Variants in SMOX observed in about 807,000 individuals in gnomAD.
SMOX encodes the protein flavin containing amine oxidase.
In SMOX, 22 loss-of-function variants were observed where a neutral mutation model predicts 51.0. The observed-to-expected ratio is 0.43, with a 90% CI of 0.31 to 0.62. The LOEUF is 0.62. Ranked by LOEUF, SMOX falls within the 20% of genes least tolerant of loss-of-function variation. The pLI, the probability that SMOX is intolerant of heterozygous loss-of-function variation, is 0.10. For missense variants in SMOX, 566 were observed against 777.7 expected (o/e 0.73, Z 3.24); for synonymous variants, 282 against 307.8 (o/e 0.92, Z 0.88).
At chr20:4,173,534 A>C (rs1461010704) in intron 1 of SMOX, among the ~76,000 whole-genome samples, 1 of 152,192 alleles carries the variant, frequency 6.6e-6, no homozygotes. Context: ...GGTGCTGTGC[A>C]CACTCTTTAA....
chr20:4,163,305 G>A (rs928899503), intron 1 of SMOX, among the ~76,000 whole-genome samples: 3 of 152,180 alleles, frequency 2.0e-5, no homozygotes, highest in South Asian at 4.1e-4. Context: ...TGAGTCTAAT[G>A]TACTGGTTGG....
At chr20:4,168,472 G>C (rs6139345) in intron 1 of SMOX, among the ~76,000 whole-genome samples, 25,900 of 152,052 alleles carry the variant, frequency 0.17, 2,513 homozygotes, top group East Asian at 0.27. Context: ...GGGTGACCTT[G>C]AGAAAAAGGC....
At chr20:4,155,402 G>A (rs1985968329) in intron 1 of SMOX, among the ~76,000 whole-genome samples, 1 of 143,714 alleles carries the variant, frequency 7.0e-6, no homozygotes, top group African/African-American at 2.5e-5. Flanking sequence ...CACCTCTGCG[G>A]CGTACGTGGG....
chr20:4,177,486 A>T lies in SMOX; in HGVS notation c.344A>T (p.Tyr115Phe), dbSNP rs1978960218. The change falls in exon 3 of 7, where the codon TAT (tyrosine) becomes TTT (phenylalanine). Residue 115 changes from tyrosine (Y) to phenylalanine (F), a missense_variant. Tyr to Phe is a conservative substitution (Grantham distance 22). This residue lies in a region of SMOX where 217 missense variants were observed against 278.4 expected (regional missense o/e 0.78). Coordinates refer to ENST00000305958, the MANE Select transcript of SMOX (RefSeq NM_175839.3). The surrounding 1 kb of genome is among the most constrained non-coding windows in gnomAD (Gnocchi z 4.3). ...GERSVGRISL[Y>F]SKNGVACYLT... ...CGCAGCGTGGGCCGCATCAGCCTCT[A>T]TTCCAAGAATGGCGTGGCCTGCTAC... 6.3e-7 allele frequency: 1 copy of T among 1,586,736 alleles called. No individual in the cohort carries two copies. Among genetic ancestry groups the T allele is most frequent in the Non-Finnish European group, 8.6e-7 (1 of 1,165,182 alleles).
chr20:4,159,214 C>T (rs1260406613), intron 1 of SMOX, among the ~76,000 whole-genome samples: 2 of 152,070 alleles, frequency 1.3e-5, no homozygotes, highest in Non-Finnish European at 2.9e-5. Flanking sequence ...TGGGTTCAAG[C>T]GATTCTCCTG....
chr20:4,177,324 C>T lies in SMOX; in HGVS notation c.209-27C>T. ...CCTCTCTGGAGAAGTCCCTAAGCCT[C>T]TAAGGGCCTGCTGTTGTCACCCTCA... On this transcript the variant is annotated intron_variant, in intron 2 of 6. Coordinates refer to ENST00000305958, the MANE Select transcript of SMOX (RefSeq NM_175839.3). This position sits in a 1 kb window ranked among gnomAD's most constrained non-coding sequence, Gnocchi z 4.3. 1 of 1,548,094 alleles carries T rather than the reference C, an allele frequency of 6.5e-7. No homozygotes were observed. Among genetic ancestry groups the T allele is most frequent in the Non-Finnish European group, 8.7e-7 (1 of 1,143,978 alleles).
chr20:4,180,832 G>A (rs1187879292), intron 3 of SMOX, among the ~76,000 whole-genome samples: 1 of 152,164 alleles, frequency 6.6e-6, no homozygotes, highest in Non-Finnish European at 1.5e-5. Flanking sequence ...TGACCTCACA[G>A]CCCCGGGTTC....
intron 3 of SMOX, among the ~76,000 whole-genome samples, chr20:4,178,154 G>C (rs985945099): frequency 6.6e-6 from 1 of 152,180 alleles, no homozygotes; most frequent in East Asian, 1.9e-4. Flanking sequence ...CGATTCTCCT[G>C]CCTCAGCCTC....
chr20:4,168,113 C>CCGGG (rs1568736834), intron 1 of SMOX, among the ~76,000 whole-genome samples: 1 of 9,628 alleles, frequency 1.0e-4, no homozygotes, highest in African/African-American at 6.8e-4. Flanking sequence ...TGAGAAAGAG[C>CCGGG]GGGGTAGGGG....
rs769193306 is a variant in SMOX at position 4,187,451 on chromosome 20, C to T, written c.*44C>T. On this transcript the variant is annotated 3_prime_UTR_variant, in exon 7 of 7. Coordinates refer to ENST00000305958, the MANE Select transcript of SMOX (RefSeq NM_175839.3). The surrounding 1 kb of genome is among the most constrained non-coding windows in gnomAD (Gnocchi z 4.8). ...AGAAGAGCCACTAACTCGTGACCTC[C>T]AGCCTGCCCCTTGCTGCCGTGTGCT... 1 of 1,596,908 alleles carries T rather than the reference C, an allele frequency of 6.3e-7. No homozygotes were observed. The highest frequency in any genetic ancestry group is 8.6e-7 in the Non-Finnish European group (1 of 1,169,106).
chr20:4,181,761 G>T lies in SMOX; in HGVS notation c.436-42G>T. On this transcript the variant is annotated intron_variant, in intron 3 of 6. Coordinates refer to ENST00000305958, the MANE Select transcript of SMOX (RefSeq NM_175839.3). The surrounding 1 kb of genome is among the most constrained non-coding windows in gnomAD (Gnocchi z 5.6). ...TGGGGGCCTTCTGTTTGAGATGGAG[G>T]TGTGATGAGGTGTTTTCAGTCTCAT... The T allele has an allele frequency of 1.9e-6, 3 of 1,594,936 alleles. No individual in the cohort carries two copies. Among genetic ancestry groups the T allele is most frequent in the Non-Finnish European group, 2.6e-6 (3 of 1,169,322 alleles).
At position 4,172,290 on chromosome 20, in the gene SMOX, C is replaced by T. The variant is rs1446640016; in HGVS notation, c.-26-2740C>T. 1.3e-5 allele frequency among the ~76,000 whole-genome samples: 2 copies of T among 152,230 alleles called. No homozygotes were observed. The highest frequency in any genetic ancestry group is 1.9e-4 in the East Asian group (1 of 5,170). On this transcript the variant is annotated intron_variant, in intron 1 of 6. Transcript: ENST00000305958. The surrounding 1 kb of genome is among the most constrained non-coding windows in gnomAD (Gnocchi z 7.7). ...GGCGGCGTCCCCGTCGCAGCTGGCG[C>T]GGCCCCTCCGGAGCACGCCGCGTGT...
At chr20:4,150,514 T>C (rs532756796) in intron 1 of SMOX, among the ~76,000 whole-genome samples, 1 of 152,360 alleles carries the variant, frequency 6.6e-6, no homozygotes, top group Admixed American at 6.5e-5. Context: ...CAGCTCCAAA[T>C]GTTGGAGGGC....
intron 6 of SMOX, among the ~76,000 whole-genome samples, chr20:4,184,023 A>C (rs1979552858): frequency 6.6e-6 from 1 of 151,672 alleles, no homozygotes; most frequent in Admixed American, 6.6e-5. Flanking sequence ...TCTACACTTC[A>C]GGCTGGGGTA....
Position 4,149,168 on chromosome 20 carries a change from G to T in SMOX, c.-27+191G>T, listed in dbSNP as rs1275098463. Among the ~76,000 whole-genome samples, 1 of 149,314 alleles carries T rather than the reference G, an allele frequency of 6.7e-6. No homozygotes were observed. Among genetic ancestry groups the T allele is most frequent in the African/African-American group, 2.4e-5 (1 of 41,062 alleles). ...GGGTGCGGGGCGTTCCGGGAGGCTC[G>T]CGGGGAGCAGGGGGCGCCGCGCCCC... is the stretch of plus-strand genomic sequence containing the variant. On this transcript the variant is annotated intron_variant, in intron 1 of 6. Coordinates refer to ENST00000305958, the MANE Select transcript of SMOX (RefSeq NM_175839.3). This position sits in a 1 kb window ranked among gnomAD's most constrained non-coding sequence, Gnocchi z 6.0.
chr20:4,169,303 T>A (rs6116241), intron 1 of SMOX, among the ~76,000 whole-genome samples: 2 of 152,044 alleles, frequency 1.3e-5, no homozygotes, highest in African/African-American at 4.8e-5. Context: ...GTAATAGCTC[T>A]GGCCACACCT....
At position 4,187,584 on chromosome 20, in the gene SMOX, C is replaced by A; in HGVS notation, c.*177C>A. The A allele has an allele frequency of 1.1e-6, 1 of 925,036 alleles. No homozygotes were observed. Among genetic ancestry groups the A allele is most frequent in the Non-Finnish European group, 1.6e-6 (1 of 641,478 alleles). The allele number at this position is 925,036 out of a possible 1,614,324, so 57.3% of individuals were successfully genotyped here. On this transcript the variant is annotated 3_prime_UTR_variant, in exon 7 of 7. Transcript: ENST00000305958. This position sits in a 1 kb window ranked among gnomAD's most constrained non-coding sequence, Gnocchi z 4.8. ...AGCTTTTCTTTTTCTCCAGGCTGGG[C>A]CGTGAGCAGGTGGGCCGTTGAGTTA...
intron 3 of SMOX, among the ~76,000 whole-genome samples, chr20:4,179,001 C>G (rs1235426123): frequency 6.6e-6 from 1 of 152,194 alleles, no homozygotes; most frequent in South Asian, 2.1e-4. Flanking sequence ...ATTTTCTAAT[C>G]TCTTGGGCAT....
At position 4,149,238 on chromosome 20, in the gene SMOX, G is replaced by T. The variant is rs1481048148; in HGVS notation, c.-27+261G>T. On this transcript the variant is annotated intron_variant, in intron 1 of 6. Transcript: ENST00000305958. This position sits in a 1 kb window ranked among gnomAD's most constrained non-coding sequence, Gnocchi z 6.0. ...AGCAGTGGTGTGGGCCGGGGTGGCG[G>T]CGATCCCGGCGCCAGGGCTGCTCGG... Among the ~76,000 whole-genome samples the T allele has an allele frequency of 2.0e-5, 3 of 150,198 alleles. No individual in the cohort carries two copies. In the East Asian group the frequency reaches 6.0e-4, roughly 30 times the overall value.
Sources: gnomAD v4.1 joint callset for allele counts (sites outside exome capture counted in the v4.1 genomes callset) on GRCh38, gnomAD v4.1.1 for gene constraint, gnomAD v4.1.1 regional missense constraint, Gnocchi (gnomAD v3.1) non-coding constraint, MANE v1.5 for transcripts, NCBI Gene and HGNC (gene_info 2026-07-23, HGNC 2026-07-21) for gene names.